GATB: variants seen among roughly 807,000 people sequenced by gnomAD.
GATB encodes glutamyl-tRNA amidotransferase subunit B.
Under a neutral mutation model 62.3 loss-of-function variants are expected in GATB, and 39 were observed. The ratio of observed to expected loss-of-function variants is 0.63; its 90% CI spans 0.48 to 0.82. The LOEUF (loss-of-function observed/expected upper bound fraction) is 0.82. Among genes scored for constraint, GATB ranks in the 40% least tolerant of loss-of-function variants. The pLI, the probability that GATB is intolerant of heterozygous loss-of-function variation, is 0.00. For missense variants in GATB, 670 were observed against 684.0 expected (o/e 0.98, Z 0.23); for synonymous variants, 276 against 258.9 (o/e 1.07, Z -0.63).
chr4:151,725,829 T>C (rs1739127058), intron 2 of GATB, among the ~76,000 whole-genome samples: 2 of 152,258 alleles, frequency 1.3e-5, no homozygotes, highest in Admixed American at 1.3e-4. Context: ...TAACATTGAA[T>C]GTCTTTCTAA....
At chr4:151,710,852 A>G (rs1738804223) in intron 5 of GATB, among the ~76,000 whole-genome samples, 1 of 152,044 alleles carries the variant, frequency 6.6e-6, no homozygotes, top group Non-Finnish European at 1.5e-5. Context: ...GAGGATGCCT[A>G]CATTTCTCTC....
chr4:151,756,095 C>T (rs1739823292), intron 2 of GATB, among the ~76,000 whole-genome samples: 1 of 152,154 alleles, frequency 6.6e-6, no homozygotes, highest in African/African-American at 2.4e-5. Context: ...TGAGAAGGCA[C>T]AATCAGCCAG....
In GATB at chr4:151,688,644, G is replaced by A. The variant is rs765991308; in HGVS notation, c.1317C>T (p.Leu439=). The A allele has an allele frequency of 9.9e-6, 16 of 1,608,354 alleles. No individual in the cohort carries two copies. The highest frequency in any genetic ancestry group is 6.7e-5 in the East Asian group (3 of 44,828). Residue 439 remains leucine (L), a synonymous_variant, in exon 10 of 13, where the codon CTC becomes CTT. Coordinates refer to ENST00000263985, the MANE Select transcript of GATB (RefSeq NM_004564.3). The stretch of plus-strand genomic sequence containing the variant: ...ACCTCACTCACCTCTCACTGACAGC[G>A]AGGTTCTGTTGCTTTAAATAGCCCA... ...TFLGYLKQQN[L]AVSESPVTPS...
At chr4:151,733,841 AC>A (rs1047891814) in intron 2 of GATB, among the ~76,000 whole-genome samples, 42 of 152,350 alleles carry the variant, frequency 2.8e-4, no homozygotes, top group African/African-American at 9.9e-4. Context: ...AGAATTAAAA[AC>A]AAAAATCAAA....
intron 2 of GATB, among the ~76,000 whole-genome samples, chr4:151,758,295 C>G (rs113702254): frequency 0.013 from 1,958 of 152,324 alleles, 40 homozygotes; most frequent in African/African-American, 0.044. Flanking sequence ...ACCACCTCTT[C>G]AGTAACCCTT....
chr4:151,735,930 C>T (rs780382321), intron 2 of GATB, among the ~76,000 whole-genome samples: 17 of 151,584 alleles, frequency 1.1e-4, no homozygotes, highest in Admixed American at 7.2e-4. Flanking sequence ...CTATACTGCT[C>T]GGGTGATGGG....
chr4:151,697,439 CAG>C (rs1738491256), intron 9 of GATB, among the ~76,000 whole-genome samples: 1 of 151,648 alleles, frequency 6.6e-6, no homozygotes, highest in African/African-American at 2.4e-5. Flanking sequence ...CCCAGGGACA[CAG>C]AGTGTGGAAT....
chr4:151,743,650 T>C (rs1245813717), intron 2 of GATB, among the ~76,000 whole-genome samples: 33 of 152,190 alleles, frequency 2.2e-4, no homozygotes, highest in African/African-American at 2.4e-5. Context: ...GAATGGAATG[T>C]TAAGAAATTG....
At position 151,719,520 on chromosome 4, in the gene GATB, C is replaced by T. The variant is rs1316065531; in HGVS notation, c.346G>A (p.Val116Ile). ...AGGCCTGTCATCACCGCCGCTTCTA[C>T]ACACCTCCTGTTGAGAACCTATGGG... ...GTLPVLNRRC[V>I]EAAVMTGLAL... The change falls in exon 3 of 13, where the codon GTA becomes ATA. Residue 116 changes from valine to isoleucine, a missense_variant. Physicochemically the swap from Val to Ile is conservative, Grantham distance 29 (BLOSUM62 3). Transcript: ENST00000263985. 5.0e-6 allele frequency: 8 copies of T among 1,608,718 alleles called. No individual in the cohort carries two copies. Among genetic ancestry groups the T allele is most frequent in the Non-Finnish European group, 5.9e-6 (7 of 1,177,506 alleles).
chr4:151,671,170 C>T lies in GATB; in HGVS notation c.*4G>A, dbSNP rs768764265. On this transcript the variant is annotated 3_prime_UTR_variant, in exon 13 of 13. Transcript: ENST00000263985. ...GTCCCTTGGGCAAGGGGATCCCAAA[C>T]ATCTCACAATGACAGCTTCTTCTCC... 3.1e-6 allele frequency: 5 copies of T among 1,614,202 alleles called. No homozygotes were observed. The highest frequency in any genetic ancestry group is 1.1e-5 in the South Asian group (1 of 91,078).
chr4:151,745,616 A>AGAC (rs1739580444), intron 2 of GATB, among the ~76,000 whole-genome samples: 1 of 152,078 alleles, frequency 6.6e-6, no homozygotes, highest in Non-Finnish European at 1.5e-5. Context: ...CTCTAGCAGA[A>AGAC]AGCACAGCAT....
chr4:151,707,113 A>T (rs1323120580), intron 6 of GATB, among the ~76,000 whole-genome samples: 1 of 152,238 alleles, frequency 6.6e-6, no homozygotes, highest in Non-Finnish European at 1.5e-5. Flanking sequence ...AAGCAGGAAA[A>T]CATAATGACC....
intron 5 of GATB, among the ~76,000 whole-genome samples, chr4:151,708,694 T>G (rs1240614959): frequency 6.6e-6 from 1 of 152,152 alleles, no homozygotes; most frequent in African/African-American, 2.4e-5. Context: ...CAAACATGAC[T>G]CCGAATCCTT....
At chr4:151,673,394 A>G (rs898399934) in intron 11 of GATB, 1 of 153,944 alleles carries the variant, frequency 6.5e-6, no homozygotes, top group Non-Finnish European at 1.4e-5. Context: ...GGGGCCACAC[A>G]GCCTGCAGGA....
intron 2 of GATB, among the ~76,000 whole-genome samples, chr4:151,735,396 A>G (rs940596098): frequency 7.9e-5 from 12 of 152,120 alleles, no homozygotes; most frequent in African/African-American, 2.9e-4. Context: ...GTGCGATACC[A>G]CCTTACTCTT....
chr4:151,745,003 T>G (rs1739567607), intron 2 of GATB, among the ~76,000 whole-genome samples: 1 of 152,202 alleles, frequency 6.6e-6, no homozygotes. Flanking sequence ...CTGCAACACC[T>G]CACTCTCAAA....
intron 2 of GATB, among the ~76,000 whole-genome samples, chr4:151,743,642 A>C (rs1221661969): frequency 3.3e-5 from 5 of 152,226 alleles, no homozygotes; most frequent in African/African-American, 1.2e-4. Context: ...TCTAATCTGA[A>C]TGGAATGTTA....
At chr4:151,674,843 G>A (rs1462975139) in intron 11 of GATB, 1 of 152,208 alleles carries the variant, frequency 6.6e-6, no homozygotes, top group African/African-American at 2.4e-5. Context: ...GGACTTGCTC[G>A]TGAAAAATCT....
chr4:151,748,512 C>T (rs1465616056), intron 2 of GATB, among the ~76,000 whole-genome samples: 1 of 152,066 alleles, frequency 6.6e-6, no homozygotes, highest in East Asian at 1.9e-4. Flanking sequence ...AAAATTAATT[C>T]AAGATGGATT....
Sources: gnomAD v4.1 joint callset for allele counts (sites outside exome capture counted in the v4.1 genomes callset) on GRCh38, gnomAD v4.1.1 for gene constraint, MANE v1.5 for transcripts, NCBI Gene and HGNC (gene_info 2026-07-23, HGNC 2026-07-21) for gene names.